KLHL3: variants seen among roughly 807,000 people sequenced by gnomAD.
KLHL3 encodes the protein kelch-like protein 3.
In KLHL3, 19 loss-of-function variants were observed where a neutral mutation model predicts 70.5. That is an observed-to-expected ratio of 0.27 (90% CI 0.19 to 0.40). KLHL3 has a LOEUF of 0.40. Among genes scored for constraint, KLHL3 ranks in the 10% least tolerant of loss-of-function variants. The probability of loss-of-function intolerance (pLI) is 1.00; values close to 1 mark genes in which losing one functional copy is unlikely to be tolerated. For missense variants in KLHL3, 512 were observed against 771.1 expected (o/e 0.66, Z 3.98); for synonymous variants, 258 against 290.3 (o/e 0.89, Z 1.13).
At chr5:137,652,602 A>G (rs541424851) in intron 8 of KLHL3, among the ~76,000 whole-genome samples, 3 of 152,348 alleles carry the variant, frequency 2.0e-5, no homozygotes, top group African/African-American at 7.2e-5. Context: ...CATACGCGGA[A>G]TCTAAAAAAG....
chr5:137,669,039 T>C (rs1751684537), intron 6 of KLHL3, among the ~76,000 whole-genome samples: 2 of 152,092 alleles, frequency 1.3e-5, no homozygotes. Flanking sequence ...TTGTAGTTGC[T>C]TCATTTCAGA....
At chr5:137,732,896 C>A (rs754995140) in intron 1 of KLHL3, among the ~76,000 whole-genome samples, 16 of 152,304 alleles carry the variant, frequency 1.1e-4, no homozygotes, top group South Asian at 4.1e-4. Context: ...AAATGTGACA[C>A]ACTCAAGGTC....
chr5:137,697,934 G>A (rs759406052), intron 4 of KLHL3, among the ~76,000 whole-genome samples: 11 of 152,192 alleles, frequency 7.2e-5, no homozygotes, highest in Non-Finnish European at 1.5e-4. Flanking sequence ...TGAATTCTGA[G>A]ATGAGACGAT....
Position 137,621,922 on chromosome 5 carries a change from G to A in KLHL3, c.*176C>T, listed in dbSNP as rs1750318197. 3 of 690,572 alleles carry A rather than the reference G, an allele frequency of 4.3e-6. No individual in the cohort carries two copies. The highest frequency in any genetic ancestry group is 7.9e-6 in the Non-Finnish European group (3 of 381,620). The allele number at this position is 690,572 out of a possible 1,614,324, so 42.8% of individuals were successfully genotyped here. On this transcript the variant is annotated 3_prime_UTR_variant, in exon 15 of 15. Coordinates refer to ENST00000309755, the MANE Select transcript of KLHL3 (RefSeq NM_017415.3). ...CAGAGCACCTCAGGGGAACGGGGGT[G>A]GGTAATGGTGTCCACACTGCGATGA...
rs1756271338 is a variant in KLHL3, at chr5:137,617,899, A to G, written c.*4199T>C. The G allele has an allele frequency of 6.6e-6, 1 of 152,464 alleles. No homozygotes were observed. Among genetic ancestry groups the G allele is most frequent in the East Asian group, 1.9e-4 (1 of 5,206 alleles). 9.4% of individuals were successfully genotyped at this position (152,464 alleles called of 1,614,324 possible). A position where few individuals can be genotyped will look rare whatever the true frequency, so the allele number is the denominator to read the frequency against. On this transcript the variant is annotated 3_prime_UTR_variant, in exon 15 of 15. Transcript: ENST00000309755. ...AGGGGAGGGGAGGATGGGGGAGCGA[A>G]TAATTTACAATCTCATAACCAAACA...
At position 137,621,434 on chromosome 5, in the gene KLHL3, G is replaced by C. The variant is rs1750293425; in HGVS notation, c.*664C>G. The C allele has an allele frequency of 6.6e-6, 1 of 152,380 alleles. No homozygotes were observed. 9.4% of individuals were successfully genotyped at this position (152,380 alleles called of 1,614,324 possible). On this transcript the variant is annotated 3_prime_UTR_variant, in exon 15 of 15. Transcript: ENST00000309755. ...AAAACAGTGAGCTGAGAAGCACAGG[G>C]AACCCATTTGTCCCTTATTCTAGCA...
chr5:137,648,798 C>T (rs1286136592), intron 8 of KLHL3, among the ~76,000 whole-genome samples: 1 of 152,186 alleles, frequency 6.6e-6, no homozygotes, highest in Non-Finnish European at 1.5e-5. Flanking sequence ...TCTCTCTCCA[C>T]CATGTTGTTT....
intron 5 of KLHL3, among the ~76,000 whole-genome samples, chr5:137,680,732 C>T (rs1248919501): frequency 1.3e-5 from 2 of 151,912 alleles, no homozygotes; most frequent in Non-Finnish European, 1.5e-5. Context: ...TTAGTAGAGA[C>T]GGGGTTTCAC....
At chr5:137,717,375 A>T (rs1370266259) in intron 2 of KLHL3, among the ~76,000 whole-genome samples, 1 of 152,188 alleles carries the variant, frequency 6.6e-6, no homozygotes, top group East Asian at 1.9e-4. Flanking sequence ...TAAAAAACAT[A>T]AACATTTGGC....
At chr5:137,622,215 G>A in intron 14 of KLHL3, 89 bp from the exon 15 acceptor site, 1 of 1,450,712 alleles carries the variant, frequency 6.9e-7, no homozygotes, top group Non-Finnish European at 9.7e-7. Context: ...GATATCCTGA[G>A]TCACAGCCAA....
Position 137,674,329 on chromosome 5 carries a change from C to T in KLHL3, c.636+3216G>A, listed in dbSNP as rs115482247. On this transcript the variant is annotated intron_variant, in intron 6 of 14. Coordinates refer to ENST00000309755, the MANE Select transcript of KLHL3 (RefSeq NM_017415.3). ...AAATTCCTGTCTATCTACTTGTATACGGTACATACATTCTTGTGGGAGATA... is the reference window on the plus strand; with the variant it reads ...AAATTCCTGTCTATCTACTTGTATATGGTACATACATTCTTGTGGGAGATA... Among the ~76,000 whole-genome samples the T allele has an allele frequency of 6.1e-3, 930 of 152,240 alleles. 8 individuals are homozygous for T. Among genetic ancestry groups the T allele is most frequent in the Non-Finnish European group, 9.3e-3 (636 of 68,028 alleles).
rs373360689 is a variant in KLHL3 at position 137,719,702 on chromosome 5, C to G, written c.134+763G>C. On this transcript the variant is annotated intron_variant, in intron 2 of 14. Transcript: ENST00000309755. ...CATTTCTCTCTTTACATTTAAGGAG[C>G]CAGGTATTCTTCCACCGATGTGGCT... Among the ~76,000 whole-genome samples, 35 of 152,270 alleles carry G rather than the reference C, an allele frequency of 2.3e-4. No individual in the cohort carries two copies. In the East Asian group the frequency reaches 4.3e-3, roughly 19 times the overall value.
intron 5 of KLHL3, among the ~76,000 whole-genome samples, chr5:137,689,265 C>A (rs1019832676): frequency 5.3e-5 from 8 of 152,220 alleles, no homozygotes; most frequent in Non-Finnish European, 8.8e-5. Flanking sequence ...CTGTGGAAAA[C>A]AGTCTGGAGA....
At chr5:137,623,743 A>T (rs1236698715) in intron 14 of KLHL3, among the ~76,000 whole-genome samples, 1 of 152,168 alleles carries the variant, frequency 6.6e-6, no homozygotes, top group Admixed American at 6.5e-5. Flanking sequence ...AGCTCTTCAC[A>T]AGTATTACTG....
intron 1 of KLHL3, among the ~76,000 whole-genome samples, chr5:137,732,424 G>C (rs1433547531): frequency 6.6e-6 from 1 of 150,608 alleles, no homozygotes; most frequent in African/African-American, 2.5e-5. Context: ...CATGCATCCA[G>C]CCCATGGTTC....
At chr5:137,645,164 C>T (rs1751012339) in intron 8 of KLHL3, among the ~76,000 whole-genome samples, 1 of 152,102 alleles carries the variant, frequency 6.6e-6, no homozygotes. Context: ...GAATGTAACT[C>T]AACATAATAG....
At chr5:137,682,119 A>T (rs960315221) in intron 5 of KLHL3, among the ~76,000 whole-genome samples, 2 of 152,056 alleles carry the variant, frequency 1.3e-5, no homozygotes, top group Admixed American at 6.5e-5. Context: ...TACATATATT[A>T]TGTCTCTCAA....
At position 137,692,289 on chromosome 5, in the gene KLHL3, G is replaced by A. The variant is rs779159775; in HGVS notation, c.522C>T (p.Tyr174=). The A allele has an allele frequency of 1.7e-5, 27 of 1,611,578 alleles. No homozygotes were observed. Among genetic ancestry groups the A allele is most frequent in the East Asian group, 2.2e-5 (1 of 44,856 alleles). The change falls in exon 5 of 15, where the codon TAC becomes TAT. Residue 174 remains tyrosine (Y), a synonymous_variant. Transcript: ENST00000309755. The stretch of plus-strand genomic sequence containing the variant: ...AGCAGTCCGGCTCCCCCTTACCTGC[G>A]TAGGCATTGGCCTGCTGCAGAAGGT... ...CTDLLQQANA[Y]AEQHFPEVML... is the part of the protein sequence containing the mutation.
intron 8 of KLHL3, among the ~76,000 whole-genome samples, chr5:137,643,402 C>A (rs975133169): frequency 6.6e-6 from 1 of 150,862 alleles, no homozygotes; most frequent in Admixed American, 6.6e-5. Flanking sequence ...TCAAAACAAA[C>A]TTGGCTTTGA....
Sources: allele counts gnomAD v4.1 joint callset (sites outside exome capture counted in the v4.1 genomes callset), GRCh38; gene constraint gnomAD v4.1.1; transcripts MANE v1.5; gene names NCBI Gene and HGNC (gene_info 2026-07-23, HGNC 2026-07-21).